The following FSTL5 variants were observed in gnomAD, a reference collection of about 807,000 sequenced individuals.
FSTL5 encodes follistatin like 5, also known as follistatin-related protein 5.
FSTL5 carries 62 observed loss-of-function variants against 89.1 expected under a neutral mutation model. The observed-to-expected ratio is 0.70, with a 90% CI of 0.57 to 0.86. The LOEUF (loss-of-function observed/expected upper bound fraction) is 0.86, where lower values mean the gene tolerates loss of function less well. Among genes scored for constraint, FSTL5 ranks in the 40% least tolerant of loss-of-function variants. The probability of loss-of-function intolerance (pLI) is 0.00; values close to 1 mark genes in which losing one functional copy is unlikely to be tolerated. For missense variants in FSTL5, 1,057 were observed against 1,001.6 expected, an observed-to-expected ratio of 1.06 and a Z score of -0.75; for synonymous variants, 383 against 346.2, an observed-to-expected ratio of 1.11 and a Z score of -1.18.
chr4:162,070,919 A>G (rs1222351885), intron 2 of FSTL5, among the ~76,000 whole-genome samples: 1 of 151,750 alleles, frequency 6.6e-6, no homozygotes, highest in Non-Finnish European at 1.5e-5. Context: ...TTTTACATCT[A>G]GAAGAAAAAG....
chr4:162,124,855 A>G (rs538190655), intron 1 of FSTL5, among the ~76,000 whole-genome samples: 6 of 152,140 alleles, frequency 3.9e-5, no homozygotes, highest in Admixed American at 6.5e-5. Context: ...GCCCGCCACC[A>G]CGTCCAGCTA....
chr4:162,128,245 T>C (rs541573486), intron 1 of FSTL5, among the ~76,000 whole-genome samples: 61 of 152,314 alleles, frequency 4.0e-4, no homozygotes, highest in African/African-American at 1.5e-3. Flanking sequence ...TGTCTAGATA[T>C]AAAGTTTTCT....
chr4:161,999,777 A>C lies in FSTL5; in HGVS notation c.160+33848T>G, dbSNP rs180950816. ...ATACATTTTATAAATTGAATACACC[A>C]CATGAAATCATGATACATAATGCAC... On this transcript the variant is annotated intron_variant, in intron 3 of 15. Transcript: ENST00000306100. 5.4e-4 allele frequency among the ~76,000 whole-genome samples: 82 copies of C among 152,326 alleles called. 1 individual carries two copies. The highest frequency in any genetic ancestry group is 4.1e-3 in the Admixed American group (63 of 15,304).
intron 3 of FSTL5, among the ~76,000 whole-genome samples, chr4:161,992,868 A>G (rs1736158533): frequency 1.5e-5 from 1 of 65,264 alleles, no homozygotes; most frequent in African/African-American, 6.8e-5. Context: ...AAAAATATAT[A>G]TATATATATA....
At chr4:161,632,050 G>C (rs115628337) in intron 7 of FSTL5, among the ~76,000 whole-genome samples, 2,215 of 152,132 alleles carry the variant, frequency 0.015, 48 homozygotes, top group African/African-American at 0.049. Context: ...TTTCAATTGA[G>C]TGACTTTTCC....
At chr4:162,144,002 G>T (rs932359609) in intron 1 of FSTL5, among the ~76,000 whole-genome samples, 2 of 151,936 alleles carry the variant, frequency 1.3e-5, no homozygotes, top group Admixed American at 6.6e-5. Context: ...ATTGAACCTC[G>T]CAGGGTGATG....
chr4:162,043,208 T>C (rs1355483241), intron 2 of FSTL5: 1 of 152,164 alleles, frequency 6.6e-6, no homozygotes, highest in East Asian at 1.9e-4. Flanking sequence ...CTACTAAGCT[T>C]TGACACGAAC....
intron 1 of FSTL5, among the ~76,000 whole-genome samples, chr4:162,131,044 G>A (rs899018164): frequency 3.9e-5 from 6 of 152,120 alleles, no homozygotes; most frequent in Non-Finnish European, 8.8e-5. Flanking sequence ...ATATAAACAT[G>A]TCATTTGAAT....
At chr4:161,631,203 T>G (rs983303883) in intron 7 of FSTL5, among the ~76,000 whole-genome samples, 1 of 152,218 alleles carries the variant, frequency 6.6e-6, no homozygotes, top group Non-Finnish European at 1.5e-5. Flanking sequence ...CATAACAAAG[T>G]CCCTAAAATT....
chr4:161,500,176 T>C (rs1397570282), intron 11 of FSTL5, 42 bp from the exon 12 acceptor site: 2 of 1,320,790 alleles, frequency 1.5e-6, no homozygotes, highest in Non-Finnish European at 2.1e-6. Flanking sequence ...AATATAATTA[T>C]CATAAACCTT....
At chr4:161,527,251 A>C (rs1158695498) in intron 10 of FSTL5, among the ~76,000 whole-genome samples, 5 of 152,112 alleles carry the variant, frequency 3.3e-5, no homozygotes, top group Non-Finnish European at 7.4e-5. Flanking sequence ...TTTGTCTGTT[A>C]TTGGTGTATA....
chr4:161,758,850 A>T (rs1339716009), intron 6 of FSTL5, among the ~76,000 whole-genome samples: 4 of 152,216 alleles, frequency 2.6e-5, no homozygotes, highest in African/African-American at 9.6e-5. Flanking sequence ...ATAACCTGAT[A>T]AGTAATTTTG....
intron 4 of FSTL5, among the ~76,000 whole-genome samples, chr4:161,780,830 T>C (rs1299571241): frequency 6.6e-6 from 1 of 152,204 alleles, no homozygotes; most frequent in Non-Finnish European, 1.5e-5. Context: ...TAGTAAAATA[T>C]GTTTTTGTAA....
intron 6 of FSTL5, among the ~76,000 whole-genome samples, chr4:161,690,422 T>C (rs1737891392): frequency 1.3e-5 from 2 of 152,090 alleles, no homozygotes; most frequent in African/African-American, 4.8e-5. Flanking sequence ...CTCAGCATAT[T>C]TTTATATGCT....
At chr4:161,649,802 C>T (rs185062990) in intron 7 of FSTL5, among the ~76,000 whole-genome samples, 4 of 152,170 alleles carry the variant, frequency 2.6e-5, no homozygotes, top group African/African-American at 9.6e-5. Context: ...TGTGGGATAT[C>T]CAGGAAGACT....
chr4:161,641,948 C>T (rs1578989349), intron 7 of FSTL5, among the ~76,000 whole-genome samples: 1 of 152,030 alleles, frequency 6.6e-6, no homozygotes, highest in East Asian at 1.9e-4. Context: ...CAAGAAATGA[C>T]AGACAAAAAA....
At chr4:161,940,037 G>A (rs1734535265) in intron 3 of FSTL5, among the ~76,000 whole-genome samples, 1 of 151,760 alleles carries the variant, frequency 6.6e-6, no homozygotes, top group Non-Finnish European at 1.5e-5. Flanking sequence ...GAAGACATAA[G>A]CCCATGATTT....
intron 3 of FSTL5, among the ~76,000 whole-genome samples, chr4:161,988,637 G>A (rs558627693): frequency 6.6e-6 from 1 of 152,150 alleles, no homozygotes; most frequent in African/African-American, 2.4e-5. Context: ...GATAAAAATT[G>A]AAAATGTATT....
intron 1 of FSTL5, among the ~76,000 whole-genome samples, chr4:162,132,657 T>C (rs1732352125): frequency 6.6e-6 from 1 of 152,156 alleles, no homozygotes; most frequent in African/African-American, 2.4e-5. Flanking sequence ...TGCATAGATG[T>C]GCAAACTATC....
Sources: allele counts gnomAD v4.1 joint callset (sites outside exome capture counted in the v4.1 genomes callset), GRCh38; gene constraint gnomAD v4.1.1; transcripts MANE v1.5; gene names NCBI Gene and HGNC (gene_info 2026-07-23, HGNC 2026-07-21).